TPM1: variants seen among roughly 807,000 people sequenced by gnomAD.
The protein encoded by TPM1 is tropomyosin alpha-1 chain.
Under a neutral mutation model 42.9 loss-of-function variants are expected in TPM1, and 24 were observed. That is an observed-to-expected ratio of 0.56 (90% CI 0.41 to 0.79). The LOEUF (loss-of-function observed/expected upper bound fraction) is 0.79, where lower values mean the gene tolerates loss of function less well. Among genes scored for constraint, TPM1 ranks in the 30% least tolerant of loss-of-function variants. The pLI is 0.00. For missense variants in TPM1, 158 were observed against 351.8 expected, an observed-to-expected ratio of 0.45 and a Z score of 4.41; for synonymous variants, 136 against 130.1, an observed-to-expected ratio of 1.05 and a Z score of -0.31.
rs923900377 is a variant in TPM1 at position 63,057,148 on chromosome 15, A to G, written c.374+30A>G. 8 of 1,613,354 alleles carry G rather than the reference A, an allele frequency of 5.0e-6. No individual in the cohort carries two copies. In the South Asian group the frequency reaches 6.6e-5, roughly 13 times the overall value. ...GAATGCCTCATCAGCCATCTTTTGC[A>G]GCTGCCTTTCCTGGTGGAATAAACC... On this transcript the variant is annotated intron_variant, in intron 3 of 9. Coordinates refer to ENST00000403994, the MANE Select transcript of TPM1 (RefSeq NM_001018005.2).
At chr15:63,055,508 C>T (rs7165048) in intron 2 of TPM1, among the ~76,000 whole-genome samples, 46 of 152,128 alleles carry the variant, frequency 3.0e-4, no homozygotes, top group South Asian at 2.1e-4. Flanking sequence ...AAGCTGAGAA[C>T]GTTGCTTTTA....
chr15:63,070,706 T>C (rs1032388446), downstream of TPM1: 1 of 1,052,738 alleles, frequency 9.5e-7, no homozygotes, highest in Non-Finnish European at 1.1e-6. Flanking sequence ...TAACTGCCTG[T>C]ACCTTGGAAA....
chr15:63,063,156 C>CT (rs1357633522), intron 8 of TPM1: 6 of 984,466 alleles, frequency 6.1e-6, no homozygotes, highest in Non-Finnish European at 7.2e-6. Context: ...CATTTCTTCC[C>CT]TAAGGCACTT....
downstream of TPM1, among the ~76,000 whole-genome samples, chr15:63,066,368 A>G (rs559422624): frequency 1.3e-4 from 20 of 152,244 alleles, no homozygotes; most frequent in South Asian, 2.7e-3. Flanking sequence ...TTTTGGGGGA[A>G]TTGTGATGGC....
At chr15:63,067,929 C>T (rs1334622906), downstream of TPM1, among the ~76,000 whole-genome samples, 1 of 152,218 alleles carries the variant, frequency 6.6e-6, no homozygotes, top group Non-Finnish European at 1.5e-5. Flanking sequence ...ACCAGCTCCA[C>T]AGCAGCTGAA....
intron 2 of TPM1, chr15:63,056,298 C>T (rs1040908313): frequency 6.5e-6 from 1 of 152,788 alleles, no homozygotes; most frequent in Non-Finnish European, 1.5e-5. Flanking sequence ...TCAGTTCACA[C>T]TTCAGGCCCC....
At chr15:63,048,534 C>T (rs748866546) in intron 2 of TPM1, 192 of 1,510,400 alleles carry the variant, frequency 1.3e-4, no homozygotes, top group Non-Finnish European at 1.6e-4. Context: ...AGCAGCCGGC[C>T]TCTCCCACTG....
At chr15:63,062,792 T>G in intron 8 of TPM1, 147 bp downstream of exon 8, 3 of 1,547,510 alleles carry the variant, frequency 1.9e-6, no homozygotes, top group Non-Finnish European at 1.7e-6. Flanking sequence ...TTTTTCTCTG[T>G]GGCTCTTGAA....
At chr15:63,043,610 G>C in intron 1 of TPM1, 1 of 1,525,516 alleles carries the variant, frequency 6.6e-7, no homozygotes, top group Non-Finnish European at 8.8e-7. Context: ...GGCGCCCCGA[G>C]CCCGAGGGGC....
downstream of TPM1, chr15:63,069,869 G>T: frequency 6.2e-7 from 1 of 1,614,028 alleles, no homozygotes; most frequent in Non-Finnish European, 8.5e-7. Flanking sequence ...GACCTGTACA[G>T]ATCAACTCTA....
intron 2 of TPM1, chr15:63,056,335 C>T (rs1334712610): frequency 7.8e-5 from 12 of 152,932 alleles, no homozygotes; most frequent in Admixed American, 7.8e-4. Context: ...CGTGATGACG[C>T]TCTTGTTTAA....
At chr15:63,053,975 A>G (rs1422275865) in intron 2 of TPM1, among the ~76,000 whole-genome samples, 2 of 151,584 alleles carry the variant, frequency 1.3e-5, no homozygotes, top group East Asian at 3.9e-4. Context: ...CACAGCGCCC[A>G]GCTGAAAGTT....
chr15:63,062,806 A>C, intron 8 of TPM1, 161 bp downstream of exon 8: 4 of 1,541,620 alleles, frequency 2.6e-6, no homozygotes, highest in Non-Finnish European at 1.7e-6. Flanking sequence ...TCTTGAACTC[A>C]TGAACCTAAG....
chr15:63,047,965 G>A, intron 2 of TPM1: 1 of 284,698 alleles, frequency 3.5e-6, no homozygotes, highest in South Asian at 2.7e-5. Flanking sequence ...TGCTCTACAC[G>A]CGGGTGGTTT....
intron 2 of TPM1, among the ~76,000 whole-genome samples, chr15:63,050,175 C>T (rs2033553942): frequency 6.6e-6 from 1 of 152,242 alleles, no homozygotes; most frequent in Non-Finnish European, 1.5e-5. Flanking sequence ...ATTAAAACTG[C>T]ACAGCCCTGG....
At chr15:63,049,789 G>A (rs532860224) in intron 2 of TPM1, among the ~76,000 whole-genome samples, 6 of 152,294 alleles carry the variant, frequency 3.9e-5, no homozygotes, top group African/African-American at 1.2e-4. Context: ...CAGGAATAAG[G>A]AAATTAATAG....
Position 63,062,914 on chromosome 15 carries a change from T to C in TPM1, c.772+269T>C, listed in dbSNP as rs866182058. On this transcript the variant is annotated intron_variant, in intron 8 of 9. Coordinates refer to ENST00000403994, the MANE Select transcript of TPM1 (RefSeq NM_001018005.2). ...ATTACAAGTGTGGCAGGTTTATTTT[T>C]CACTGTGAGTGAGGTGCTTATTGGT... 4.1e-6 allele frequency: 6 copies of C among 1,460,848 alleles called. No individual in the cohort carries two copies. The Middle Eastern group carries it at 7.1e-4, about 174-fold the overall frequency. The allele number at this position is 1,460,848 out of a possible 1,614,324, so 90.5% of individuals were successfully genotyped here.
At position 63,042,956 on chromosome 15, in the gene TPM1, C is replaced by T; in HGVS notation, c.114+13C>T. The stretch of plus-strand genomic sequence containing the variant: ...CAGGAGCAAGCAGGTCTGCGCCTCC[C>T]CGGCCCTGCGCCCGCGCCCAGAGCG... On this transcript the variant is annotated intron_variant, in intron 1 of 9. Coordinates refer to ENST00000403994, the MANE Select transcript of TPM1 (RefSeq NM_001018005.2). 6.3e-7 allele frequency: 1 copy of T among 1,580,840 alleles called. No homozygotes were observed. Among genetic ancestry groups the T allele is most frequent in the Non-Finnish European group, 8.6e-7 (1 of 1,163,016 alleles).
rs979999394 is a variant in TPM1, at chr15:63,043,814, G to C, written c.115-213G>C. ...GGCGGAGGACAGCCTCCTGGCCGCC[G>C]AAGAGGCCGCCGCCAAGGTACCCGG... On this transcript the variant is annotated intron_variant, in intron 1 of 9. Transcript: ENST00000403994. 9.0e-6 allele frequency: 14 copies of C among 1,548,714 alleles called. No homozygotes were observed. The highest frequency in any genetic ancestry group is 1.2e-5 in the Non-Finnish European group (14 of 1,147,112).
Sources: gnomAD v4.1 joint callset for allele counts (sites outside exome capture counted in the v4.1 genomes callset) on GRCh38, gnomAD v4.1.1 for gene constraint, MANE v1.5 for transcripts, NCBI Gene and HGNC (gene_info 2026-07-23, HGNC 2026-07-21) for gene names.